NF2: variants seen among roughly 807,000 people sequenced by gnomAD.
NF2 encodes merlin.
A neutral mutation model predicts 83.7 loss-of-function variants in NF2; 8 were observed. The observed-to-expected ratio is 0.10, with a 90% CI of 0.06 to 0.17. The LOEUF (loss-of-function observed/expected upper bound fraction) is 0.17, where lower values mean the gene tolerates loss of function less well. Ranked by LOEUF, NF2 falls within the 10% of genes least tolerant of loss-of-function variation. NF2 has a pLI of 1.00. For synonymous variants in NF2, 266 were observed against 269.6 expected (o/e 0.99, Z 0.13); for missense variants, 533 against 744.4 (o/e 0.72, Z 3.31).
intron 14 of NF2, among the ~76,000 whole-genome samples, chr22:29,678,763 G>A (rs912464544): frequency 2.0e-5 from 3 of 152,220 alleles, no homozygotes; most frequent in Non-Finnish European, 4.4e-5. Flanking sequence ...ACTCAGGCTC[G>A]AGGCTAAGGA....
chr22:29,693,746 G>A lies in NF2; in HGVS notation c.1738-1006G>A, dbSNP rs139491854. ...TATCTTCATAGCCCACGTCCTGGTC[G>A]CTTAACAAACATTGAGCTCCTGATC... is the stretch of plus-strand genomic sequence containing the variant. On this transcript the variant is annotated intron_variant, in intron 15 of 15. Coordinates refer to ENST00000338641, the MANE Select transcript of NF2 (RefSeq NM_000268.4). 1.9e-4 allele frequency among the ~76,000 whole-genome samples: 29 copies of A among 152,208 alleles called. No homozygotes were observed. In the East Asian group the frequency reaches 3.1e-3, roughly 16 times the overall value.
Position 29,655,200 on chromosome 22 carries a change from C to T in NF2, c.517-394C>T, listed in dbSNP as rs2066263910. On this transcript the variant is annotated intron_variant, in intron 5 of 15. Transcript: ENST00000338641. ...TTTTACAGCCCTCACTCATCTGTCACTGGGTAATAAAGGCCCGTTTCTCAC... is the reference window on the plus strand; with the variant it reads ...TTTTACAGCCCTCACTCATCTGTCATTGGGTAATAAAGGCCCGTTTCTCAC... 2.0e-5 allele frequency among the ~76,000 whole-genome samples: 3 copies of T among 152,216 alleles called. 1 individual carries two copies. The South Asian group carries it at 6.2e-4, about 32-fold the overall frequency.
intron 1 of NF2, among the ~76,000 whole-genome samples, chr22:29,605,196 C>A (rs933875439): frequency 6.7e-6 from 1 of 149,950 alleles, no homozygotes; most frequent in African/African-American, 2.5e-5. Flanking sequence ...CGCTCTGTCA[C>A]CCAGAGTGCA....
intron 1 of NF2, among the ~76,000 whole-genome samples, chr22:29,628,733 C>T (rs1345303655): frequency 2.7e-5 from 4 of 149,542 alleles, no homozygotes; most frequent in Admixed American, 6.8e-5. Flanking sequence ...CAAGTTCAAG[C>T]GATTCTCCTG....
rs1296502325 is a variant in NF2 at position 29,606,686 on chromosome 22, C to T, written c.114+2574C>T. ...GAGATGCAGCCTAGACTGTAGGCCT[C>T]CTGGTTTGCTGGAAAGAATTGGGGA... On this transcript the variant is annotated intron_variant, in intron 1 of 15. Coordinates refer to ENST00000338641, the MANE Select transcript of NF2 (RefSeq NM_000268.4). Among the ~76,000 whole-genome samples, 5 of 152,160 alleles carry T rather than the reference C, an allele frequency of 3.3e-5. No individual in the cohort carries two copies. The South Asian group carries it at 1.0e-3, about 32-fold the overall frequency.
chr22:29,610,567 C>T (rs147788125), intron 1 of NF2, among the ~76,000 whole-genome samples: 10 of 151,144 alleles, frequency 6.6e-5, no homozygotes, highest in East Asian at 3.9e-4. Flanking sequence ...CGCTTGAACC[C>T]GGGAAGTTGG....
chr22:29,605,046 T>C (rs1394170399), intron 1 of NF2, among the ~76,000 whole-genome samples: 1 of 152,164 alleles, frequency 6.6e-6, no homozygotes, highest in Non-Finnish European at 1.5e-5. Context: ...AGTAGTGTGA[T>C]CATGGCTTAC....
rs1164843294 is a variant in NF2, at chr22:29,603,668, C to T, written c.-331C>T. 2.4e-6 allele frequency: 1 copy of T among 414,876 alleles called. No individual in the cohort carries two copies. The highest frequency in any genetic ancestry group is 2.1e-5 in the African/African-American group (1 of 48,658). The allele number at this position is 414,876 out of a possible 1,614,324, so 25.7% of individuals were successfully genotyped here. A position where few individuals can be genotyped will look rare whatever the true frequency, so the allele number is the denominator to read the frequency against. On this transcript the variant is annotated 5_prime_UTR_variant, in exon 1 of 16. Coordinates refer to ENST00000338641, the MANE Select transcript of NF2 (RefSeq NM_000268.4). ...TCGGCCGCTGAGAGGCGCGCGGAGT[C>T]TGGGCCGCTGCCGTCTAGGGGTCCC...
intron 2 of NF2, 94 bp from the exon 3 acceptor site, chr22:29,638,996 A>C: frequency 6.3e-7 from 1 of 1,580,550 alleles, no homozygotes; most frequent in Non-Finnish European, 8.7e-7. Flanking sequence ...AGTGGGAAAA[A>C]AATTTAATGC....
In NF2 at chr22:29,671,813, T is replaced by A; in HGVS notation, c.1000-13T>A. 1.2e-6 allele frequency: 2 copies of A among 1,613,898 alleles called. No individual in the cohort carries two copies. The highest frequency in any genetic ancestry group is 1.7e-6 in the Non-Finnish European group (2 of 1,179,972). On this transcript the variant is annotated splice_polypyrimidine_tract_variant and intron_variant, in intron 10 of 15. Transcript: ENST00000338641. Reference sequence around the variant, plus strand: ...CCTGTGATTCAATGACTGTTTTTCTTCACCCCTCGCAGATGGAGCGGCAGC... The same window carrying A: ...CCTGTGATTCAATGACTGTTTTTCTACACCCCTCGCAGATGGAGCGGCAGC...
At position 29,636,608 on chromosome 22, in the gene NF2, T is replaced by G. The variant is rs2065653303; in HGVS notation, c.115-143T>G. On this transcript the variant is annotated intron_variant, in intron 1 of 15. Transcript: ENST00000338641. The surrounding 1 kb of genome is among the most constrained non-coding windows in gnomAD (Gnocchi z 4.4). ...ACTCATGGGTTTGTAAAGGAAGCTT[T>G]AAAATTATTTAGGAATTCAGTCCTC... The G allele has an allele frequency of 1.5e-5, 17 of 1,100,806 alleles. No homozygotes were observed. The East Asian group carries it at 4.0e-4, about 26-fold the overall frequency. The allele number at this position is 1,100,806 out of a possible 1,614,324, so 68.2% of individuals were successfully genotyped here. A position where few individuals can be genotyped will look rare whatever the true frequency, so the allele number is the denominator to read the frequency against.
In NF2 at chr22:29,655,812, T is replaced by C. The variant is rs192789069; in HGVS notation, c.599+136T>C. The C allele has an allele frequency of 2.2e-5, 16 of 726,944 alleles. 1 individual carries two copies. The African/African-American group carries it at 2.5e-4, about 11-fold the overall frequency. 45.0% of individuals were successfully genotyped at this position (726,944 alleles called of 1,614,324 possible). ...AGTCTATAAAAGAAAAGGGGAGAGCTGGGGAGCTGGGAGTAACGTTGGTCT... is the reference window on the plus strand; with the variant it reads ...AGTCTATAAAAGAAAAGGGGAGAGCCGGGGAGCTGGGAGTAACGTTGGTCT... On this transcript the variant is annotated intron_variant, in intron 6 of 15. Transcript: ENST00000338641.
intron 15 of NF2, among the ~76,000 whole-genome samples, chr22:29,685,305 G>A (rs1326128208): frequency 1.3e-5 from 2 of 151,666 alleles, no homozygotes; most frequent in African/African-American, 2.4e-5. Flanking sequence ...ATGGGGTTTC[G>A]CCATGTTGCC....
At chr22:29,627,826 T>C (rs1351709439) in intron 1 of NF2, among the ~76,000 whole-genome samples, 1 of 152,220 alleles carries the variant, frequency 6.6e-6, no homozygotes, top group Non-Finnish European at 1.5e-5. Context: ...TCCTTTGTTC[T>C]GTGGAAAATT....
At chr22:29,614,942 G>A (rs2065046309) in intron 1 of NF2, among the ~76,000 whole-genome samples, 1 of 152,000 alleles carries the variant, frequency 6.6e-6, no homozygotes, top group Non-Finnish European at 1.5e-5. Context: ...CTAGCACTTT[G>A]GGAGGCTGAG....
chr22:29,630,897 A>G (rs2065492438), intron 1 of NF2, among the ~76,000 whole-genome samples: 1 of 152,196 alleles, frequency 6.6e-6, no homozygotes, highest in Non-Finnish European at 1.5e-5. Context: ...AAGGCCCTCA[A>G]GTGGCACGAG....
chr22:29,675,080 CT>C, intron 13 of NF2, 139 bp downstream of exon 13: 1 of 729,028 alleles, frequency 1.4e-6, no homozygotes, highest in South Asian at 1.7e-5. Context: ...TGCAGAGAGC[CT>C]GCAGTTAGGG....
At chr22:29,686,497 G>A (rs1356709431) in intron 15 of NF2, among the ~76,000 whole-genome samples, 1 of 152,206 alleles carries the variant, frequency 6.6e-6, no homozygotes, top group East Asian at 1.9e-4. Flanking sequence ...AAATTTGCCA[G>A]GTGTGGTGGC....
At chr22:29,657,463 T>C (rs1030241453) in intron 6 of NF2, among the ~76,000 whole-genome samples, 3 of 152,264 alleles carry the variant, frequency 2.0e-5, no homozygotes, top group African/African-American at 2.4e-5. Context: ...TTTACGTCAA[T>C]GTGCATGATT....
Sources: gnomAD v4.1 joint callset for allele counts (sites outside exome capture counted in the v4.1 genomes callset) on GRCh38, gnomAD v4.1.1 for gene constraint, Gnocchi (gnomAD v3.1) non-coding constraint, MANE v1.5 for transcripts, NCBI Gene and HGNC (gene_info 2026-07-23, HGNC 2026-07-21) for gene names.